Variants in PTPRM observed in about 807,000 individuals in gnomAD.
PTPRM encodes the protein receptor-type tyrosine-protein phosphatase mu.
A neutral mutation model predicts 186.7 loss-of-function variants in PTPRM; 47 were observed. The observed-to-expected ratio is 0.25, with a 90% CI of 0.20 to 0.32. The LOEUF (loss-of-function observed/expected upper bound fraction) is 0.32, where lower values mean the gene tolerates loss of function less well. Among genes scored for constraint, PTPRM ranks in the 10% least tolerant of loss-of-function variants. The probability of loss-of-function intolerance (pLI) is 1.00; values close to 1 mark genes in which losing one functional copy is unlikely to be tolerated. For synonymous variants in PTPRM, 668 were observed against 674.9 expected, an observed-to-expected ratio of 0.99 and a Z score of 0.16; for missense variants, 1,494 against 1,865.0, an observed-to-expected ratio of 0.80 and a Z score of 3.66.
intron 2 of PTPRM, among the ~76,000 whole-genome samples, chr18:7,875,879 CGAGATGGTA>C (rs2048216158): frequency 6.6e-6 from 1 of 151,956 alleles, no homozygotes; most frequent in African/African-American, 2.4e-5. Context: ...TTACACAAAT[CGAGATGGTA>C]GAGCCTACAG....
At chr18:8,329,978 T>G (rs189858516) in intron 22 of PTPRM, among the ~76,000 whole-genome samples, 1 of 152,090 alleles carries the variant, frequency 6.6e-6, no homozygotes, top group African/African-American at 2.4e-5. Flanking sequence ...TTTTATTTTA[T>G]TTTTTATAGA....
chr18:7,609,625 C>T (rs1219779110), intron 1 of PTPRM, among the ~76,000 whole-genome samples: 1 of 151,878 alleles, frequency 6.6e-6, no homozygotes, highest in Non-Finnish European at 1.5e-5. Context: ...AACCATTGCA[C>T]CCCCTCTTCT....
At chr18:8,149,358 A>G (rs781125364) in intron 14 of PTPRM, among the ~76,000 whole-genome samples, 1 of 152,170 alleles carries the variant, frequency 6.6e-6, no homozygotes. Context: ...ATATATATTT[A>G]GCATAGTTAG....
chr18:7,726,055 G>A (rs552043567), intron 1 of PTPRM, among the ~76,000 whole-genome samples: 17 of 152,216 alleles, frequency 1.1e-4, no homozygotes, highest in African/African-American at 4.1e-4. Context: ...CCCCAAAAGC[G>A]CTCGCCCCAG....
intron 1 of PTPRM, among the ~76,000 whole-genome samples, chr18:7,722,388 A>T (rs1038024592): frequency 6.6e-6 from 1 of 152,180 alleles, no homozygotes; most frequent in African/African-American, 2.4e-5. Context: ...GAACACCTAG[A>T]TAATCATTTG....
intron 1 of PTPRM, among the ~76,000 whole-genome samples, chr18:7,747,912 T>C (rs1382593059): frequency 2.0e-5 from 3 of 152,168 alleles, no homozygotes; most frequent in Admixed American, 2.0e-4. Flanking sequence ...ATATAAGGAA[T>C]GTATGAAAAG....
At chr18:8,302,211 G>C (rs149631067) in intron 20 of PTPRM, among the ~76,000 whole-genome samples, 95 of 152,294 alleles carry the variant, frequency 6.2e-4, no homozygotes, top group African/African-American at 2.2e-3. Flanking sequence ...GAGGAGGTAT[G>C]GGAAGGCCTC....
At chr18:8,229,722 A>C (rs1456989203) in intron 14 of PTPRM, among the ~76,000 whole-genome samples, 2 of 152,192 alleles carry the variant, frequency 1.3e-5, no homozygotes, top group African/African-American at 4.8e-5. Context: ...ATCTTTTCCA[A>C]ATATTTGATT....
intron 1 of PTPRM, among the ~76,000 whole-genome samples, chr18:7,643,104 G>C (rs1296863440): frequency 6.6e-6 from 1 of 151,894 alleles, no homozygotes; most frequent in African/African-American, 2.4e-5. Flanking sequence ...CAAGAAAAAA[G>C]ACATAAGATT....
At chr18:7,618,014 C>T (rs1487652653) in intron 1 of PTPRM, among the ~76,000 whole-genome samples, 1 of 152,194 alleles carries the variant, frequency 6.6e-6, no homozygotes, top group East Asian at 1.9e-4. Context: ...GGACTGGAAT[C>T]TGTTCTCTGA....
chr18:7,644,756 G>A (rs138980587), intron 1 of PTPRM, among the ~76,000 whole-genome samples: 3 of 152,136 alleles, frequency 2.0e-5, no homozygotes, highest in Non-Finnish European at 2.9e-5. Context: ...AATGGTTGAG[G>A]TTTATGCAAG....
intron 23 of PTPRM, among the ~76,000 whole-genome samples, chr18:8,370,293 A>G (rs1181660150): frequency 1.3e-5 from 2 of 152,226 alleles, no homozygotes; most frequent in South Asian, 4.1e-4. Flanking sequence ...CCTTGCATGC[A>G]AAATTCTTCC....
intron 1 of PTPRM, among the ~76,000 whole-genome samples, chr18:7,772,431 C>CT (rs1568108976): frequency 1.2e-4 from 15 of 120,282 alleles, no homozygotes; most frequent in South Asian, 2.7e-4. Flanking sequence ...TTTCTCCCTT[C>CT]CCCTTCCCCT....
At chr18:7,962,698 T>C (rs12958595) in intron 7 of PTPRM, among the ~76,000 whole-genome samples, 43,066 of 152,160 alleles carry the variant, frequency 0.28, 6,329 homozygotes, top group African/African-American at 0.34. Flanking sequence ...TATTTATTTA[T>C]TATTTTTAGT....
intron 1 of PTPRM, among the ~76,000 whole-genome samples, chr18:7,600,004 T>G (rs1211254511): frequency 6.6e-6 from 1 of 152,174 alleles, no homozygotes; most frequent in East Asian, 1.9e-4. Context: ...CCTGCTTTGG[T>G]GTAAAGTCAG....
chr18:7,978,027 G>A (rs965508373), intron 7 of PTPRM, among the ~76,000 whole-genome samples: 5 of 152,190 alleles, frequency 3.3e-5, no homozygotes, highest in African/African-American at 1.2e-4. Context: ...GTTTTGCAGT[G>A]CGTCTGTTTA....
At chr18:7,843,184 C>T (rs2046435648) in intron 2 of PTPRM, among the ~76,000 whole-genome samples, 1 of 151,828 alleles carries the variant, frequency 6.6e-6, no homozygotes, top group African/African-American at 2.4e-5. Context: ...TTTTGGACTC[C>T]AGGGCTCACA....
At chr18:7,663,047 G>A (rs2039014222) in intron 1 of PTPRM, among the ~76,000 whole-genome samples, 1 of 152,166 alleles carries the variant, frequency 6.6e-6, no homozygotes, top group Non-Finnish European at 1.5e-5. Flanking sequence ...TGGCAGGTCT[G>A]TGTGGCAGCA....
chr18:7,709,779 T>G (rs755115964), intron 1 of PTPRM, among the ~76,000 whole-genome samples: 12 of 152,142 alleles, frequency 7.9e-5, no homozygotes, highest in Non-Finnish European at 1.2e-4. Context: ...AATACCTTTA[T>G]GTGCACAAAC....
Sources: gnomAD v4.1 joint callset for allele counts (sites outside exome capture counted in the v4.1 genomes callset) on GRCh38, gnomAD v4.1.1 for gene constraint, MANE v1.5 for transcripts, NCBI Gene and HGNC (gene_info 2026-07-23, HGNC 2026-07-21) for gene names.